APOO: variants seen among roughly 807,000 people sequenced by gnomAD.
APOO encodes the protein apolipoprotein O, also known as MICOS complex subunit MIC26.
In APOO, 11 loss-of-function variants were observed where a neutral mutation model predicts 23.1. That is an observed-to-expected ratio of 0.48 (90% confidence interval 0.30 to 0.79). The LOEUF (loss-of-function observed/expected upper bound fraction) is 0.79. Ranked by LOEUF, APOO falls within the 30% of genes least tolerant of loss-of-function variation. The pLI is 0.07. For missense variants in APOO, 160 were observed against 142.7 expected, an observed-to-expected ratio of 1.12 and a Z score of -0.62; for synonymous variants, 59 against 54.8, an observed-to-expected ratio of 1.08 and a Z score of -0.34.
chrX:23,847,495 G>A (rs1489903711), intron 7 of APOO, among the ~76,000 whole-genome samples: 2 of 109,685 alleles, frequency 1.8e-5, no homozygotes, highest in African/African-American at 3.3e-5. Context: ...GCGTGGTGAC[G>A]CGTGCCTGTA....
intron 2 of APOO, among the ~76,000 whole-genome samples, chrX:23,879,513 T>C (rs1926016087): frequency 8.9e-6 from 1 of 112,220 alleles, no homozygotes; most frequent in Non-Finnish European, 1.9e-5. Flanking sequence ...TCAAACTATC[T>C]CTGCACCTTA....
chrX:23,876,528 C>A (rs1433870864), intron 3 of APOO, among the ~76,000 whole-genome samples: 1 of 109,917 alleles, frequency 9.1e-6, no homozygotes, highest in African/African-American at 3.3e-5. Context: ...AGGCCGGGCA[C>A]AGTGGGTCAT....
intron 1 of APOO, among the ~76,000 whole-genome samples, chrX:23,905,189 C>A (rs1205556107): frequency 9.2e-6 from 1 of 109,262 alleles, no homozygotes; most frequent in Non-Finnish European, 1.9e-5. Context: ...GAGTTCGAGA[C>A]CAGCCTGGCC....
intron 4 of APOO, among the ~76,000 whole-genome samples, chrX:23,869,840 T>A (rs1203458636): frequency 9.5e-6 from 1 of 105,308 alleles, no homozygotes; most frequent in African/African-American, 3.5e-5. Flanking sequence ...TAATCCCAGC[T>A]ACTCAGGAGG....
chrX:23,895,252 A>T (rs1260865306), intron 1 of APOO, among the ~76,000 whole-genome samples: 1 of 112,179 alleles, frequency 8.9e-6, no homozygotes, highest in East Asian at 2.8e-4. Flanking sequence ...ACTTGGAAGC[A>T]ACCCAAATGC....
At chrX:23,836,640 TTC>T (rs1491045651) in intron 8 of APOO, 334 of 740,675 alleles carry the variant, frequency 4.5e-4, no homozygotes, top group African/African-American at 3.5e-3. Flanking sequence ...TTTTTTTTTT[TTC>T]CCCAAATCAA....
intron 4 of APOO, among the ~76,000 whole-genome samples, chrX:23,872,207 G>A (rs927079248): frequency 6.3e-5 from 7 of 111,051 alleles, no homozygotes; most frequent in Non-Finnish European, 9.4e-5. Flanking sequence ...AAGACTGTAC[G>A]GAGTCTGGGC....
intron 1 of APOO, among the ~76,000 whole-genome samples, chrX:23,891,873 C>G (rs1926670485): frequency 1.9e-5 from 2 of 108,047 alleles, no homozygotes. Flanking sequence ...ACTATATATA[C>G]TTAAAAATAT....
At chrX:23,856,682 G>A (rs1192889857) in intron 6 of APOO, among the ~76,000 whole-genome samples, 1 of 111,208 alleles carries the variant, frequency 9.0e-6, no homozygotes, top group Non-Finnish European at 1.9e-5. Context: ...AGCCTCCCAA[G>A]TAGTTGGGAT....
intron 8 of APOO, among the ~76,000 whole-genome samples, chrX:23,834,782 T>C (rs1737090033): frequency 9.2e-6 from 1 of 108,479 alleles, no homozygotes; most frequent in Admixed American, 1.0e-4. Flanking sequence ...TGGAGTGCAG[T>C]GGCGTGATCT....
intron 1 of APOO, 44 bp downstream of exon 1, chrX:23,907,650 C>T: frequency 8.7e-7 from 1 of 1,145,560 alleles, no homozygotes; most frequent in Non-Finnish European, 1.2e-6. Flanking sequence ...CTCGGGCGGC[C>T]GGGAGGGGGC....
At chrX:23,834,321 G>C (rs143030695) in intron 8 of APOO, among the ~76,000 whole-genome samples, 9 of 104,196 alleles carry the variant, frequency 8.6e-5, no homozygotes, top group African/African-American at 2.9e-4. Context: ...GCTTGAACCC[G>C]GGAGGCAGAG....
At chrX:23,890,070 A>G (rs1177534943) in intron 1 of APOO, among the ~76,000 whole-genome samples, 2 of 111,858 alleles carry the variant, frequency 1.8e-5, no homozygotes, top group African/African-American at 6.5e-5. Flanking sequence ...CAAAGTTTTG[A>G]AAACCACCAT....
chrX:23,841,786 T>G (rs1038796924), intron 7 of APOO, among the ~76,000 whole-genome samples: 1 of 110,544 alleles, frequency 9.0e-6, no homozygotes, highest in African/African-American at 3.3e-5. Context: ...CCAGAGGCCT[T>G]TTTGCTGTTG....
chrX:23,881,661 G>A (rs1188394913), intron 1 of APOO, among the ~76,000 whole-genome samples: 1 of 100,022 alleles, frequency 1.0e-5, no homozygotes, highest in African/African-American at 3.6e-5. Flanking sequence ...TGTGCTGGAC[G>A]CAGTGGCTCA....
chrX:23,891,496 G>C (rs1349857944), intron 1 of APOO, among the ~76,000 whole-genome samples: 1 of 111,638 alleles, frequency 9.0e-6, no homozygotes, highest in Admixed American at 9.6e-5. Context: ...CAAAGTGCTG[G>C]GATTATAGGC....
chrX:23,897,023 T>G (rs1337027494), intron 1 of APOO, among the ~76,000 whole-genome samples: 2 of 111,754 alleles, frequency 1.8e-5, no homozygotes, highest in Admixed American at 1.9e-4. Context: ...TTTTTAATTC[T>G]TTAGTTCTGT....
intron 8 of APOO, chrX:23,837,243 G>C (rs1023670102): frequency 2.2e-5 from 15 of 667,633 alleles, no homozygotes; most frequent in Admixed American, 1.1e-4. Context: ...GGCCCTTCAC[G>C]ATAACTGTGC....
At chrX:23,894,795 TA>T (rs1010961885) in intron 1 of APOO, among the ~76,000 whole-genome samples, 20 of 100,806 alleles carry the variant, frequency 2.0e-4, no homozygotes, top group Admixed American at 3.2e-4. Context: ...AAACTCCGCT[TA>T]AAAAAAAAAA....
Sources: gnomAD v4.1 joint callset for allele counts (sites outside exome capture counted in the v4.1 genomes callset) on GRCh38, gnomAD v4.1.1 for gene constraint, MANE v1.5 for transcripts, NCBI Gene and HGNC (gene_info 2026-07-23, HGNC 2026-07-21) for gene names.